The following IL12RB2 variants were observed in gnomAD, a reference collection of about 807,000 sequenced individuals.
IL12RB2 encodes interleukin-12 receptor subunit beta-2.
A neutral mutation model predicts 89.4 loss-of-function variants in IL12RB2; 82 were observed. That is an observed-to-expected ratio of 0.92 (90% CI 0.77 to 1.10). The LOEUF (loss-of-function observed/expected upper bound fraction) is 1.10, where lower values mean the gene tolerates loss of function less well. Among genes scored for constraint, IL12RB2 ranks in the 50% least tolerant of loss-of-function variants. The pLI is 0.00. For missense variants in IL12RB2, 963 were observed against 1,031.9 expected, an observed-to-expected ratio of 0.93 and a Z score of 0.92; for synonymous variants, 368 against 370.1, an observed-to-expected ratio of 0.99 and a Z score of 0.07.
At chr1:67,323,829 G>A (rs1374713806) in intron 4 of IL12RB2, among the ~76,000 whole-genome samples, 1 of 152,178 alleles carries the variant, frequency 6.6e-6, no homozygotes, top group African/African-American at 2.4e-5. Flanking sequence ...GAGACATTGA[G>A]GATGAGCAGT....
chr1:67,307,575 GGA>G (rs1232510215), upstream of IL12RB2: 7 of 152,278 alleles, frequency 4.6e-5, no homozygotes, highest in Admixed American at 1.3e-4. Context: ...AACTGACGGT[GGA>G]GAGAGAATTA....
At chr1:67,321,030 T>G (rs113687585) in intron 3 of IL12RB2, among the ~76,000 whole-genome samples, 1,976 of 151,298 alleles carry the variant, frequency 0.013, 42 homozygotes, top group African/African-American at 0.046. Flanking sequence ...GTTCAGCACG[T>G]TTTTCTTCCT....
intron 10 of IL12RB2, among the ~76,000 whole-genome samples, chr1:67,356,014 CCATAGTGT>C (rs1302284246): frequency 1.3e-5 from 2 of 152,166 alleles, no homozygotes; most frequent in African/African-American, 4.8e-5. Flanking sequence ...ATCTCGCAAA[CCATAGTGT>C]TCAATAAATA....
At chr1:67,359,851 C>G (rs1661793197) in intron 10 of IL12RB2, among the ~76,000 whole-genome samples, 1 of 152,042 alleles carries the variant, frequency 6.6e-6, no homozygotes, top group Non-Finnish European at 1.5e-5. Flanking sequence ...TCTTCTTTGA[C>G]CTATGAGAAG....
chr1:67,356,644 G>T (rs1661427532), intron 10 of IL12RB2, among the ~76,000 whole-genome samples: 1 of 152,136 alleles, frequency 6.6e-6, no homozygotes, highest in African/African-American at 2.4e-5. Context: ...TCACTGCAGG[G>T]TCTCTGGCCT....
Position 67,372,483 on chromosome 1 carries a change from T to C in IL12RB2, c.1507T>C (p.Ser503Pro). ...ICYEIRVYAL[S>P]GDQGGCSSIL... ...TTATGAAATCCGTGTGTATGCACTCTCAGGGGATCAAGGAGGATGCAGCTC... is the reference window on the plus strand; with the variant it reads ...TTATGAAATCCGTGTGTATGCACTCCCAGGGGATCAAGGAGGATGCAGCTC... Residue 503 changes from serine to proline, a missense_variant, in exon 12 of 17, where the codon TCA becomes CCA. Transcript: ENST00000674203. 1 of 1,605,804 alleles carries C rather than the reference T, an allele frequency of 6.2e-7. No homozygotes were observed. Among genetic ancestry groups the C allele is most frequent in the South Asian group, 1.1e-5 (1 of 90,894 alleles).
intron 10 of IL12RB2, among the ~76,000 whole-genome samples, chr1:67,352,963 T>G (rs2100858372): frequency 6.6e-6 from 1 of 152,340 alleles, no homozygotes; most frequent in South Asian, 2.1e-4. Context: ...AACTTTAAAT[T>G]AAACTTGTAT....
chr1:67,310,135 G>A (rs754377162), intron 1 of IL12RB2, among the ~76,000 whole-genome samples: 14 of 126,526 alleles, frequency 1.1e-4, no homozygotes, highest in Non-Finnish European at 1.7e-4. Flanking sequence ...AGTGAGCAGA[G>A]ATCACGCCAC....
chr1:67,350,895 G>A lies in IL12RB2; in HGVS notation c.1064G>A (p.Gly355Glu). The A allele has an allele frequency of 1.2e-6, 2 of 1,614,030 alleles. No homozygotes were observed. The highest frequency in any genetic ancestry group is 1.1e-5 in the South Asian group (1 of 91,070). ...WKNLSVSEAR[G>E]KILHYQVTLQ... ...AATCTGAGTGTCTCAGAGGCAAGAG[G>A]AAAAATTCTCCACTATCAGGTGACC... The change falls in exon 10 of 17, where the codon GGA becomes GAA. Residue 355 changes from glycine to glutamate, a missense_variant. Gly to Glu is a moderately conservative substitution (Grantham distance 98). Transcript: ENST00000674203.
At chr1:67,367,762 G>A in intron 10 of IL12RB2, 63 bp from the exon 11 acceptor site, 1 of 956,620 alleles carries the variant, frequency 1.0e-6, no homozygotes, top group Non-Finnish European at 1.7e-6. Context: ...GGCTTTTTTT[G>A]TTGTTTAAAT....
chr1:67,358,451 C>T (rs1473716177), intron 10 of IL12RB2, among the ~76,000 whole-genome samples: 2 of 152,040 alleles, frequency 1.3e-5, no homozygotes, highest in Non-Finnish European at 2.9e-5. Context: ...TGTTGTGGGC[C>T]TGTAATCCCA....
rs894691975 is a variant in IL12RB2, at chr1:67,372,896, A to G, written c.1717+113A>G. On this transcript the variant is annotated intron_variant, in intron 13 of 16. Coordinates refer to ENST00000674203, the MANE Select transcript of IL12RB2 (RefSeq NM_001374259.2). ...CATGTGCTAGCGCAATGCCTGGCAT[A>G]TAGTAAGTACTCCATAAATACTTGT... The G allele has an allele frequency of 3.8e-6, 3 of 786,742 alleles. No individual in the cohort carries two copies. The African/African-American group carries it at 5.1e-5, about 13-fold the overall frequency. The allele number at this position is 786,742 out of a possible 1,614,324, so 48.7% of individuals were successfully genotyped here.
intron 2 of IL12RB2, among the ~76,000 whole-genome samples, chr1:67,318,027 C>T (rs905827746): frequency 4.6e-5 from 7 of 152,140 alleles, no homozygotes; most frequent in Non-Finnish European, 1.0e-4. Context: ...CAGGGAGGGG[C>T]TGTCTGGGGA....
intron 8 of IL12RB2, among the ~76,000 whole-genome samples, chr1:67,331,936 G>T (rs1658141502): frequency 6.6e-6 from 1 of 152,070 alleles, no homozygotes; most frequent in South Asian, 2.1e-4. Flanking sequence ...AAACTTTTTG[G>T]CATATAATCC....
At position 67,395,579 on chromosome 1, in the gene IL12RB2, G is replaced by C. The variant is rs993400290; in HGVS notation, c.2079G>C (p.Leu693=). The stretch of plus-strand genomic sequence containing the variant: ...CACAGCTGCCCTTGGACAGGCTCCT[G>C]ATAGACTGGCCCACGCCTGAAGATC... ...EKTQLPLDRL[L]IDWPTPEDPE... Residue 693 remains leucine (L), a synonymous_variant, in exon 17 of 17, where the codon CTG becomes CTC. Transcript: ENST00000674203. The C allele has an allele frequency of 1.1e-5, 18 of 1,614,214 alleles. No homozygotes were observed. Among genetic ancestry groups the C allele is most frequent in the Non-Finnish European group, 1.4e-5 (17 of 1,180,038 alleles).
intron 1 of IL12RB2, among the ~76,000 whole-genome samples, chr1:67,311,724 C>T (rs6701625): frequency 0.17 from 25,700 of 152,060 alleles, 2,429 homozygotes; most frequent in African/African-American, 0.25. Flanking sequence ...CAGCTGAATT[C>T]TTAATTTATA....
intron 13 of IL12RB2, among the ~76,000 whole-genome samples, chr1:67,374,393 T>C (rs977072204): frequency 6.6e-6 from 1 of 152,158 alleles, no homozygotes; most frequent in Non-Finnish European, 1.5e-5. Flanking sequence ...GAATTCCTCA[T>C]GTGAAATTTG....
At position 67,320,194 on chromosome 1, in the gene IL12RB2, G is replaced by T. The variant is rs1156941361; in HGVS notation, c.-36-139G>T. The T allele has an allele frequency of 6.0e-6, 8 of 1,343,764 alleles. No individual in the cohort carries two copies. The East Asian group carries it at 1.8e-4, about 30-fold the overall frequency. The allele number at this position is 1,343,764 out of a possible 1,614,324, so 83.2% of individuals were successfully genotyped here. ...GATATTCGATTTACTAGTTTTAAAGGTACATGTCATTTTTTAAAATAACAA... is the reference window on the plus strand; with the variant it reads ...GATATTCGATTTACTAGTTTTAAAGTTACATGTCATTTTTTAAAATAACAA... On this transcript the variant is annotated intron_variant, in intron 2 of 16. Transcript: ENST00000674203.
chr1:67,322,983 C>T (rs572620979), intron 4 of IL12RB2, among the ~76,000 whole-genome samples: 18 of 152,242 alleles, frequency 1.2e-4, no homozygotes, highest in African/African-American at 4.1e-4. Flanking sequence ...GAAGCTTTGG[C>T]GTGGCAGACA....
Sources: gnomAD v4.1 joint callset for allele counts (sites outside exome capture counted in the v4.1 genomes callset) on GRCh38, gnomAD v4.1.1 for gene constraint, MANE v1.5 for transcripts, NCBI Gene and HGNC (gene_info 2026-07-23, HGNC 2026-07-21) for gene names.